GRK3: variants seen among roughly 807,000 people sequenced by gnomAD.
GRK3 encodes G protein-coupled receptor kinase 3, also known as adrenergic, beta, receptor kinase 2.
Under a neutral mutation model 95.7 loss-of-function variants are expected in GRK3, and 54 were observed. The ratio of observed to expected loss-of-function variants is 0.56; its 90% CI spans 0.45 to 0.71. GRK3 has a LOEUF of 0.71. GRK3 is among the 30% of genes least tolerant of loss of function. The probability of loss-of-function intolerance (pLI) is 0.00; values close to 1 mark genes in which losing one functional copy is unlikely to be tolerated. For synonymous variants in GRK3, 281 were observed against 290.8 expected (o/e 0.97, Z 0.34); for missense variants, 649 against 851.2 (o/e 0.76, Z 2.96).
At chr22:25,676,861 G>A (rs1423593991) in intron 8 of GRK3, among the ~76,000 whole-genome samples, 1 of 152,072 alleles carries the variant, frequency 6.6e-6, no homozygotes, top group Non-Finnish European at 1.5e-5. Context: ...TAAGGCCCAC[G>A]AACCCTCACT....
chr22:25,717,073 G>A (rs918441535), intron 18 of GRK3, among the ~76,000 whole-genome samples: 1 of 152,108 alleles, frequency 6.6e-6, no homozygotes, highest in Non-Finnish European at 1.5e-5. Context: ...AGAAGGTTCG[G>A]GACCACTGCT....
At position 25,724,157 on chromosome 22, in the gene GRK3, A is replaced by G. The variant is rs988034905; in HGVS notation, c.*1707A>G. The stretch of plus-strand genomic sequence containing the variant: ...ACACACACACACACACACACTCCAG[A>G]AGCAGAAAAGCCATTGTTCTTAAAG... On this transcript the variant is annotated 3_prime_UTR_variant, in exon 21 of 21. Coordinates refer to ENST00000324198, the MANE Select transcript of GRK3 (RefSeq NM_005160.4). 6.7e-6 allele frequency: 1 copy of G among 150,164 alleles called. No homozygotes were observed. Among genetic ancestry groups the G allele is most frequent in the Non-Finnish European group, 1.5e-5 (1 of 67,964 alleles). The allele number at this position is 150,164 out of a possible 1,614,324, so 9.3% of individuals were successfully genotyped here.
intron 19 of GRK3, among the ~76,000 whole-genome samples, chr22:25,718,795 A>T (rs773260107): frequency 6.6e-5 from 10 of 152,270 alleles, no homozygotes; most frequent in Non-Finnish European, 1.0e-4. Context: ...AAATGAGGGA[A>T]ATAGAAATCA....
At chr22:25,648,702 T>C in intron 3 of GRK3, 2 of 1,027,132 alleles carry the variant, frequency 1.9e-6, no homozygotes, top group Non-Finnish European at 3.1e-6. Flanking sequence ...AGATGGAAAG[T>C]ATTTGAAGCT....
chr22:25,636,616 C>G lies in GRK3; in HGVS notation c.191-7976C>G, dbSNP rs529271032. On this transcript the variant is annotated intron_variant, in intron 2 of 20. Transcript: ENST00000324198. ...TTACAGTACTGTACACAATTTAATT[C>G]TGATAAATGTATTGACCCACATAAC... Among the ~76,000 whole-genome samples the G allele has an allele frequency of 5.3e-5, 8 of 152,248 alleles. 1 individual carries two copies. In the South Asian group the frequency reaches 8.3e-4, roughly 16 times the overall value.
intron 10 of GRK3, among the ~76,000 whole-genome samples, chr22:25,686,746 G>T (rs889772005): frequency 6.6e-6 from 1 of 152,150 alleles, no homozygotes; most frequent in South Asian, 2.1e-4. Flanking sequence ...TTTTCCTGGG[G>T]ACACCCACCA....
intron 17 of GRK3, among the ~76,000 whole-genome samples, chr22:25,713,505 G>A (rs942981476): frequency 6.6e-5 from 10 of 152,136 alleles, no homozygotes; most frequent in African/African-American, 2.2e-4. Flanking sequence ...AAGTGCCTTA[G>A]CCTCCTTGGT....
Position 25,709,950 on chromosome 22 carries a change from GT to G in GRK3, c.1382del (p.Val461AlafsTer10). ...SFFKGVDWQH[V>X]YLQKYPPPLI... Reference sequence around the variant, plus strand: ...TTTCAAAGGTGTTGACTGGCAGCATGTCTACTTACAAAAGGTACTCACTCCC... The same window carrying G: ...TTTCAAAGGTGTTGACTGGCAGCATGCTACTTACAAAAGGTACTCACTCCC... On this transcript the variant is annotated frameshift_variant, in exon 16 of 21. Transcript: ENST00000324198. LOFTEE classifies it high-confidence loss of function. 1 of 1,613,466 alleles carries G rather than the reference GT, an allele frequency of 6.2e-7. No homozygotes were observed. Among genetic ancestry groups the G allele is most frequent in the Non-Finnish European group, 8.5e-7 (1 of 1,179,412 alleles).
Position 25,659,503 on chromosome 22 carries a change from T to G in GRK3, c.265-2073T>G, listed in dbSNP as rs111616282. 6.7e-3 allele frequency among the ~76,000 whole-genome samples: 1,023 copies of G among 152,282 alleles called. 18 individuals are homozygous for G. Among genetic ancestry groups the G allele is most frequent in the African/African-American group, 0.023 (955 of 41,562 alleles). ...AAAGCAGAAAGGGACTACAGGTCTG[T>G]GAATATTTATTATTGATGATAGTGT... On this transcript the variant is annotated intron_variant, in intron 3 of 20. Coordinates refer to ENST00000324198, the MANE Select transcript of GRK3 (RefSeq NM_005160.4).
chr22:25,697,182 G>A (rs769449221), intron 13 of GRK3, among the ~76,000 whole-genome samples: 1 of 152,194 alleles, frequency 6.6e-6, no homozygotes, highest in Non-Finnish European at 1.5e-5. Flanking sequence ...TTAGGGCTTT[G>A]TGTACTTCTT....
At chr22:25,613,801 C>T (rs1005253487) in intron 2 of GRK3, among the ~76,000 whole-genome samples, 6 of 152,198 alleles carry the variant, frequency 3.9e-5, no homozygotes, top group African/African-American at 1.2e-4. Flanking sequence ...CCCCGCAGTG[C>T]AGCCTCTGCA....
At chr22:25,575,270 G>A (rs925378524) in intron 1 of GRK3, among the ~76,000 whole-genome samples, 1 of 152,216 alleles carries the variant, frequency 6.6e-6, no homozygotes, top group African/African-American at 2.4e-5. Context: ...CTTTTGAGAT[G>A]AGAGTTCTAA....
intron 12 of GRK3, among the ~76,000 whole-genome samples, chr22:25,693,774 C>CTT (rs542086916): frequency 0.016 from 1,823 of 112,672 alleles, 9 homozygotes; most frequent in Non-Finnish European, 0.024. Context: ...GTTAAAAATT[C>CTT]TTTTTTTTTT....
chr22:25,721,996 A>G (rs915516541), intron 20 of GRK3, among the ~76,000 whole-genome samples: 1 of 152,236 alleles, frequency 6.6e-6, no homozygotes, highest in African/African-American at 2.4e-5. Context: ...TATAGATTTC[A>G]GTTGTTTTAG....
At chr22:25,657,071 A>G (rs1395818943) in intron 3 of GRK3, among the ~76,000 whole-genome samples, 2 of 152,194 alleles carry the variant, frequency 1.3e-5, no homozygotes, top group Admixed American at 1.3e-4. Flanking sequence ...AGGGGCAGGT[A>G]GTGTGAGATA....
intron 2 of GRK3, among the ~76,000 whole-genome samples, chr22:25,629,982 G>A (rs2084653523): frequency 6.6e-6 from 1 of 151,834 alleles, no homozygotes; most frequent in Non-Finnish European, 1.5e-5. Context: ...GAGTACAATT[G>A]CATTGAAGAC....
intron 1 of GRK3, among the ~76,000 whole-genome samples, chr22:25,603,789 C>A (rs184156486): frequency 3.9e-5 from 6 of 152,286 alleles, no homozygotes; most frequent in Non-Finnish European, 8.8e-5. Context: ...TCTCCCAATA[C>A]AATTTGTAAT....
At chr22:25,621,359 G>A (rs2084584974) in intron 2 of GRK3, among the ~76,000 whole-genome samples, 1 of 152,040 alleles carries the variant, frequency 6.6e-6, no homozygotes, top group Non-Finnish European at 1.5e-5. Context: ...GGCAGAATTT[G>A]CAAGATAATT....
At chr22:25,635,838 T>C (rs2084696955) in intron 2 of GRK3, among the ~76,000 whole-genome samples, 1 of 152,216 alleles carries the variant, frequency 6.6e-6, no homozygotes, top group Non-Finnish European at 1.5e-5. Flanking sequence ...ACTTATCCAC[T>C]AGTTTTGGCA....
Sources: allele counts gnomAD v4.1 joint callset (sites outside exome capture counted in the v4.1 genomes callset), GRCh38; gene constraint gnomAD v4.1.1; transcripts MANE v1.5; gene names NCBI Gene and HGNC (gene_info 2026-07-23, HGNC 2026-07-21).